The following ANK2 variants were observed in gnomAD, a reference collection of about 807,000 sequenced individuals.
ANK2 encodes ankyrin-2.
In ANK2, 83 loss-of-function variants were observed where a neutral mutation model predicts 360.5. That is an observed-to-expected ratio of 0.23 (90% CI 0.19 to 0.28). The LOEUF is 0.28. Ranked by LOEUF, ANK2 falls within the 10% of genes least tolerant of loss-of-function variation. The probability of loss-of-function intolerance (pLI) is 1.00; values close to 1 mark genes in which losing one functional copy is unlikely to be tolerated. For missense variants in ANK2, 4,201 were observed against 4,795.7 expected (o/e 0.88, Z 3.66); for synonymous variants, 1,740 against 1,759.5 (o/e 0.99, Z 0.28).
chr4:113,048,548 T>C (rs1580011014), upstream of ANK2, among the ~76,000 whole-genome samples: 1 of 151,028 alleles, frequency 6.6e-6, no homozygotes, highest in African/African-American at 2.4e-5. Flanking sequence ...GCTGGGATTA[T>C]AGGCATGAGC....
intron 23 of ANK2, among the ~76,000 whole-genome samples, chr4:113,310,524 C>A (rs1231851598): frequency 6.6e-6 from 1 of 152,066 alleles, no homozygotes; most frequent in African/African-American, 2.4e-5. Context: ...TCAAGCAATT[C>A]TCCTGCCTCA....
At chr4:112,915,580 G>A (rs1398795517) in intron 2 of ANK2, among the ~76,000 whole-genome samples, 4 of 151,648 alleles carry the variant, frequency 2.6e-5, no homozygotes, top group Non-Finnish European at 5.9e-5. Context: ...GTGAATCCCC[G>A]TCTCTACAAA....
At chr4:113,080,198 C>T (rs781462796) in intron 1 of ANK2, among the ~76,000 whole-genome samples, 5 of 152,122 alleles carry the variant, frequency 3.3e-5, no homozygotes, top group Non-Finnish European at 7.4e-5. Flanking sequence ...CATGCCCTGC[C>T]CACCCTGACT....
At chr4:113,065,381 G>T (rs2075202770) in intron 1 of ANK2, among the ~76,000 whole-genome samples, 1 of 152,168 alleles carries the variant, frequency 6.6e-6, no homozygotes, top group Non-Finnish European at 1.5e-5. Context: ...GCTCTCTTTT[G>T]TGTGTGTATG....
intron 2 of ANK2, among the ~76,000 whole-genome samples, chr4:113,032,724 G>A (rs562478796): frequency 3.3e-5 from 5 of 152,092 alleles, no homozygotes; most frequent in South Asian, 4.1e-4. Flanking sequence ...AATTAAATGC[G>A]TTGTATTTTT....
chr4:112,766,474 T>A, the ANK2 span, among the ~76,000 whole-genome samples: 1 of 152,186 alleles, frequency 6.6e-6, no homozygotes, highest in Non-Finnish European at 1.5e-5. Flanking sequence ...TATACTGGAT[T>A]ATGTAATTGA....
intron 1 of ANK2, among the ~76,000 whole-genome samples, chr4:113,109,545 T>G (rs2094053271): frequency 6.6e-6 from 1 of 152,186 alleles, no homozygotes; most frequent in Non-Finnish European, 1.5e-5. Flanking sequence ...TATTGGACTG[T>G]GCACCTTGTG....
intron 36 of ANK2, 92 bp from the exon 37 acceptor site, chr4:113,350,136 T>G (rs970877587): frequency 1.7e-6 from 2 of 1,175,302 alleles, no homozygotes; most frequent in African/African-American, 3.0e-5. Flanking sequence ...ACCCAACATG[T>G]ATAATTATGA....
At chr4:113,311,008 T>C (rs1274410098) in intron 23 of ANK2, among the ~76,000 whole-genome samples, 3 of 151,362 alleles carry the variant, frequency 2.0e-5, no homozygotes, top group Admixed American at 2.0e-4. Flanking sequence ...TATCCAAACT[T>C]AATATTAAAA....
At chr4:112,972,797 A>T (rs2040007566) in intron 2 of ANK2, among the ~76,000 whole-genome samples, 1 of 152,234 alleles carries the variant, frequency 6.6e-6, no homozygotes, top group South Asian at 2.1e-4. Flanking sequence ...CGAGTGGATA[A>T]AGAAAACATG....
chr4:112,940,020 GTTGT>G (rs977862620), intron 2 of ANK2, among the ~76,000 whole-genome samples: 3 of 152,128 alleles, frequency 2.0e-5, no homozygotes, highest in East Asian at 3.9e-4. Flanking sequence ...AGCTTTGTCA[GTTGT>G]TTAAGTTAGT....
At chr4:113,100,297 T>G (rs2092612057) in intron 1 of ANK2, among the ~76,000 whole-genome samples, 2 of 152,068 alleles carry the variant, frequency 1.3e-5, no homozygotes, top group Non-Finnish European at 2.9e-5. Flanking sequence ...AGCAATCCAG[T>G]TTACACATGT....
At chr4:113,280,973 C>CA (rs1285905959) in intron 17 of ANK2, among the ~76,000 whole-genome samples, 20 of 152,130 alleles carry the variant, frequency 1.3e-4, no homozygotes, top group African/African-American at 4.1e-4. Flanking sequence ...TCTATGGACA[C>CA]AAATACAGTA....
chr4:112,779,497 C>T, the ANK2 span, among the ~76,000 whole-genome samples: 2 of 151,442 alleles, frequency 1.3e-5, no homozygotes, highest in Middle Eastern at 3.4e-3. Flanking sequence ...CCAGCCTGGG[C>T]GACAGAGCGG....
At chr4:112,892,010 A>G (rs181737255) in intron 1 of ANK2, among the ~76,000 whole-genome samples, 154 of 152,352 alleles carry the variant, frequency 1.0e-3, no homozygotes, top group Non-Finnish European at 1.8e-3. Context: ...TTTGTATTTC[A>G]AAAAAGACAT....
chr4:113,227,057 T>C (rs1348047423), intron 4 of ANK2, among the ~76,000 whole-genome samples: 1 of 152,220 alleles, frequency 6.6e-6, no homozygotes, highest in Non-Finnish European at 1.5e-5. Flanking sequence ...GCTATTAATA[T>C]GTGATGATAA....
intron 2 of ANK2, among the ~76,000 whole-genome samples, chr4:112,984,412 G>A (rs1334261830): frequency 1.3e-5 from 2 of 152,220 alleles, no homozygotes; most frequent in Non-Finnish European, 2.9e-5. Flanking sequence ...GGCAAAGAGA[G>A]AGAGCTTGTG....
intron 30 of ANK2, chr4:113,336,268 C>G: frequency 1.8e-6 from 1 of 564,232 alleles, no homozygotes; most frequent in South Asian, 2.9e-5. Context: ...AAATTAATCT[C>G]CAGCTACAAA....
At chr4:112,767,600 T>A in the ANK2 span, among the ~76,000 whole-genome samples, 9 of 87,852 alleles carry the variant, frequency 1.0e-4, no homozygotes, top group Non-Finnish European at 1.9e-4. Context: ...AAATAAATAA[T>A]AAAACATGGT....
Sources: allele counts gnomAD v4.1 joint callset (sites outside exome capture counted in the v4.1 genomes callset), GRCh38; gene constraint gnomAD v4.1.1; transcripts MANE v1.5; gene names NCBI Gene and HGNC (gene_info 2026-07-23, HGNC 2026-07-21).